Variants in DIAPH3 observed in about 807,000 individuals in gnomAD.
The protein encoded by DIAPH3 is protein diaphanous homolog 3.
DIAPH3 carries 117 observed loss-of-function variants against 144.3 expected under a neutral mutation model. That is an observed-to-expected ratio of 0.81 (90% CI 0.70 to 0.95). The LOEUF is 0.95. Among genes scored for constraint, DIAPH3 ranks in the 40% least tolerant of loss-of-function variants. The probability of loss-of-function intolerance (pLI) is 0.00; values close to 1 mark genes in which losing one functional copy is unlikely to be tolerated. For missense variants in DIAPH3, 1,421 were observed against 1,412.7 expected, an observed-to-expected ratio of 1.01 and a Z score of -0.09; for synonymous variants, 519 against 488.9, an observed-to-expected ratio of 1.06 and a Z score of -0.81.
chr13:60,011,791 T>C (rs1275346550), intron 7 of DIAPH3, among the ~76,000 whole-genome samples: 1 of 152,184 alleles, frequency 6.6e-6, no homozygotes, highest in Non-Finnish European at 1.5e-5. Context: ...ATGGTATTTA[T>C]TATAAGGAAA....
intron 20 of DIAPH3, among the ~76,000 whole-genome samples, chr13:59,906,680 T>C (rs2046758784): frequency 6.6e-6 from 1 of 152,198 alleles, no homozygotes; most frequent in African/African-American, 2.4e-5. Flanking sequence ...TTCGATTCAA[T>C]CTTCCTATAA....
intron 25 of DIAPH3, among the ~76,000 whole-genome samples, chr13:59,787,274 T>C (rs2039083818): frequency 6.6e-6 from 1 of 152,226 alleles, no homozygotes; most frequent in Non-Finnish European, 1.5e-5. Context: ...TTGTTATTTA[T>C]ACCAAAATAA....
rs538574395 is a variant in DIAPH3, at chr13:59,905,125, G to A, written c.2367+6610C>T. Reference sequence around the variant, plus strand: ...TGGGAGGCCGAGACGGGCAGATCACGAGGTCAGGAGATCGAGATCATCCTG... The same window carrying A: ...TGGGAGGCCGAGACGGGCAGATCACAAGGTCAGGAGATCGAGATCATCCTG... On this transcript the variant is annotated intron_variant, in intron 20 of 27. Coordinates refer to ENST00000400324, the MANE Select transcript of DIAPH3 (RefSeq NM_001042517.2). Among the ~76,000 whole-genome samples the A allele has an allele frequency of 5.5e-4, 84 of 151,892 alleles. 3 individuals carry two copies. The South Asian group carries it at 0.017, about 32-fold the overall frequency.
intron 27 of DIAPH3, among the ~76,000 whole-genome samples, chr13:59,735,239 T>G (rs974327273): frequency 2.6e-5 from 4 of 152,174 alleles, no homozygotes; most frequent in African/African-American, 9.7e-5. Flanking sequence ...TATGAAAATA[T>G]AAAATTATTG....
intron 20 of DIAPH3, among the ~76,000 whole-genome samples, chr13:59,897,775 A>G (rs2046200579): frequency 6.6e-6 from 1 of 151,170 alleles, no homozygotes; most frequent in Admixed American, 6.6e-5. Flanking sequence ...AATAAGAAAA[A>G]AAAAGAAAGT....
At chr13:59,668,884 A>G (rs2032184085) in intron 27 of DIAPH3, among the ~76,000 whole-genome samples, 3 of 152,020 alleles carry the variant, frequency 2.0e-5, no homozygotes, top group African/African-American at 4.8e-5. Context: ...ATACATACAT[A>G]CCATCTTATG....
intron 14 of DIAPH3, among the ~76,000 whole-genome samples, chr13:59,977,318 C>T (rs1041636810): frequency 2.0e-5 from 3 of 151,740 alleles, no homozygotes; most frequent in Middle Eastern, 3.4e-3. Context: ...AGCATTTCAG[C>T]GTGTGGATGA....
chr13:60,162,785 T>A (rs193039859), intron 1 of DIAPH3, among the ~76,000 whole-genome samples: 3 of 95,266 alleles, frequency 3.1e-5, no homozygotes, highest in East Asian at 5.4e-4. Context: ...AATGCTGTAC[T>A]CTCTCTCTCT....
intron 21 of DIAPH3, among the ~76,000 whole-genome samples, chr13:59,868,267 A>G (rs563957469): frequency 2.0e-5 from 3 of 152,332 alleles, no homozygotes; most frequent in South Asian, 2.1e-4. Context: ...TAATCTAATA[A>G]TAAGAATTTC....
In DIAPH3 at chr13:59,830,993, C is replaced by A. The variant is rs577455959; in HGVS notation, c.3027+2114G>T. Among the ~76,000 whole-genome samples, 10 of 151,746 alleles carry A rather than the reference C, an allele frequency of 6.6e-5. No homozygotes were observed. The East Asian group carries it at 1.7e-3, about 27-fold the overall frequency. ...ATGACATAATGTTTAAGAGTTAGGG[C>A]CCTTAAAGAAGGCTTTAGAGAAGAT... is the stretch of plus-strand genomic sequence containing the variant. On this transcript the variant is annotated intron_variant, in intron 24 of 27. Coordinates refer to ENST00000400324, the MANE Select transcript of DIAPH3 (RefSeq NM_001042517.2).
chr13:59,777,718 A>G (rs563791728), intron 25 of DIAPH3, among the ~76,000 whole-genome samples: 1 of 152,326 alleles, frequency 6.6e-6, no homozygotes, highest in South Asian at 2.1e-4. Context: ...CAATCATAGA[A>G]GTCCAAAGTA....
At position 60,089,584 on chromosome 13, in the gene DIAPH3, C is replaced by G. The variant is rs189052445; in HGVS notation, c.495+4044G>C. 1.9e-3 allele frequency among the ~76,000 whole-genome samples: 286 copies of G among 152,240 alleles called. 2 individuals are homozygous for G. Among genetic ancestry groups the G allele is most frequent in the East Asian group, 7.7e-4 (4 of 5,180 alleles). On this transcript the variant is annotated intron_variant, in intron 4 of 27. Coordinates refer to ENST00000400324, the MANE Select transcript of DIAPH3 (RefSeq NM_001042517.2). ...TTACATTTATTGGAAACCATGGATC[C>G]TCTTCCATTTGGCCTATCACATCAC...
At chr13:59,758,779 CT>C (rs869088245) in intron 27 of DIAPH3, among the ~76,000 whole-genome samples, 1,412 of 138,892 alleles carry the variant, frequency 0.01, 2 homozygotes, top group African/African-American at 0.018. Flanking sequence ...TTTTCTCTCT[CT>C]TTTTTTTTTT....
chr13:60,131,461 CAAAT>C (rs2059138701), intron 2 of DIAPH3, among the ~76,000 whole-genome samples: 1 of 91,986 alleles, frequency 1.1e-5, no homozygotes. Context: ...AAAAAAAAAA[CAAAT>C]GAAGTACTGA....
At chr13:60,039,070 T>C (rs1178236761) in intron 5 of DIAPH3, among the ~76,000 whole-genome samples, 1 of 151,902 alleles carries the variant, frequency 6.6e-6, no homozygotes, top group Non-Finnish European at 1.5e-5. Flanking sequence ...AATCAATAAA[T>C]AACAAATAGA....
At chr13:59,924,115 T>C (rs1009493443) in intron 18 of DIAPH3, among the ~76,000 whole-genome samples, 5 of 152,202 alleles carry the variant, frequency 3.3e-5, no homozygotes, top group Admixed American at 1.3e-4. Flanking sequence ...GACCATAGTA[T>C]ATCATCTCTA....
chr13:59,909,935 CA>C (rs1159774263), intron 20 of DIAPH3, among the ~76,000 whole-genome samples: 21 of 152,150 alleles, frequency 1.4e-4, no homozygotes, highest in African/African-American at 4.6e-4. Context: ...TAATTTTTAA[CA>C]AGGCATAACT....
chr13:60,050,917 C>A (rs2056314599), intron 4 of DIAPH3, among the ~76,000 whole-genome samples: 1 of 152,050 alleles, frequency 6.6e-6, no homozygotes, highest in African/African-American at 2.4e-5. Context: ...CATTAGATGT[C>A]CTCAATATGA....
chr13:60,048,502 T>C (rs1366035730), intron 4 of DIAPH3, among the ~76,000 whole-genome samples: 1 of 152,026 alleles, frequency 6.6e-6, no homozygotes, highest in Non-Finnish European at 1.5e-5. Context: ...AATGAGGGAG[T>C]GCTACACAGT....
Sources: allele counts gnomAD v4.1 joint callset (sites outside exome capture counted in the v4.1 genomes callset), GRCh38; gene constraint gnomAD v4.1.1; transcripts MANE v1.5; gene names NCBI Gene and HGNC (gene_info 2026-07-23, HGNC 2026-07-21).